MAZ: variants seen among roughly 807,000 people sequenced by gnomAD.
The protein encoded by MAZ is myc-associated zinc finger protein.
A neutral mutation model predicts 32.7 loss-of-function variants in MAZ; 4 were observed. The observed-to-expected ratio is 0.12, with a 90% CI of 0.06 to 0.28. The LOEUF (loss-of-function observed/expected upper bound fraction) is 0.28, where lower values mean the gene tolerates loss of function less well. Ranked by LOEUF, MAZ falls within the 10% of genes least tolerant of loss-of-function variation. MAZ has a pLI of 1.00. For missense variants in MAZ, 763 were observed against 667.2 expected, an observed-to-expected ratio of 1.14 and a Z score of -1.58; for synonymous variants, 510 against 297.6, an observed-to-expected ratio of 1.71 and a Z score of -7.35.
At position 29,807,425 on chromosome 16, in the gene MAZ, G is replaced by C; in HGVS notation, c.640G>C (p.Gly214Arg). 1 of 1,612,444 alleles carries C rather than the reference G, an allele frequency of 6.2e-7. No individual in the cohort carries two copies. Among genetic ancestry groups the C allele is most frequent in the Non-Finnish European group, 8.5e-7 (1 of 1,179,742 alleles). The part of the protein sequence containing the change: ...NLRRHEAIHT[G>R]AKAGRVPSGA... ...CCGGAGGCACGAAGCCATCCACACG[G>C]GAGCCAAGGCCGGCCGGGTCCCCTC... The change falls in exon 2 of 5, where the codon GGA becomes CGA. Residue 214 changes from glycine to arginine, a missense_variant. Gly to Arg is a moderately radical substitution (Grantham distance 125). Coordinates refer to ENST00000322945, the MANE Select transcript of MAZ (RefSeq NM_002383.4).
Position 29,808,635 on chromosome 16 carries a change from A to G in MAZ, c.1173A>G (p.Lys391=). The G allele has an allele frequency of 6.2e-7, 1 of 1,613,806 alleles. No individual in the cohort carries two copies. The highest frequency in any genetic ancestry group is 8.5e-7 in the Non-Finnish European group (1 of 1,179,978). Residue 391 remains lysine, a synonymous_variant, in exon 4 of 5, where the codon AAA becomes AAG. Transcript: ENST00000322945. ...CGCACACAGTACGACACGAGGAGAA[A>G]GTGCCATGTCACGTGTGTGGCAAGA... is the stretch of plus-strand genomic sequence containing the variant. ...LRAHTVRHEE[K]VPCHVCGKML...
Position 29,810,111 on chromosome 16 carries a change from G to GGCAGCGGCGGCAGCGGCA in MAZ, c.1323_1340dup (p.Ala443_Ala448dup), listed in dbSNP as rs1555501540. ...AGGTTTGTCCAATGGCGGCGGCAGC[G>GGCAGCGGCGGCAGCGGCA]GCAGCGGCGGCAGCGGCAGCAGCGG... On this transcript the variant is annotated inframe_insertion, in exon 5 of 5. Coordinates refer to ENST00000322945, the MANE Select transcript of MAZ (RefSeq NM_002383.4). The GGCAGCGGCGGCAGCGGCA allele has an allele frequency of 2.5e-5, 38 of 1,539,496 alleles. No homozygotes were observed. The highest frequency in any genetic ancestry group is 4.4e-6 in the Non-Finnish European group (5 of 1,137,572).
At chr16:29,808,393 T>G in intron 3 of MAZ, 100 bp downstream of exon 3, 1 of 1,236,032 alleles carries the variant, frequency 8.1e-7, no homozygotes, top group Non-Finnish European at 1.2e-6. Flanking sequence ...CTCTCTTCTT[T>G]TTGCCTTTTT....
At chr16:29,808,051 AGGC>A (rs761537307) in intron 2 of MAZ, 176 bp from the exon 3 acceptor site, 123 of 1,013,664 alleles carry the variant, frequency 1.2e-4, no homozygotes, top group Non-Finnish European at 1.5e-4. Flanking sequence ...GCGTGGGAGG[AGGC>A]GGCGGCGGCG....
Position 29,810,204 on chromosome 16 carries a change from T to C in MAZ, c.1407T>C (p.Ser469=), listed in dbSNP as rs1392105660. The C allele has an allele frequency of 1.9e-6, 3 of 1,600,394 alleles. No individual in the cohort carries two copies. Among genetic ancestry groups the C allele is most frequent in the Non-Finnish European group, 2.6e-6 (3 of 1,173,566 alleles). The part of the protein sequence containing the change: ...LSGAEGVPVS[S]QPLPSQPW ...GGGCGGAGGGGGTGCCTGTGAGCTC[T>C]CAGCCACTTCCCTCCCAACCCTGGT... Residue 469 remains serine, a synonymous_variant, in exon 5 of 5, where the codon TCT becomes TCC. Coordinates refer to ENST00000322945, the MANE Select transcript of MAZ (RefSeq NM_002383.4).
intron 2 of MAZ, 22 bp downstream of exon 2, chr16:29,807,850 C>T: frequency 6.3e-7 from 1 of 1,594,220 alleles, no homozygotes. Context: ...GCCTCGGCCG[C>T]CCGCTAGGCC....
Position 29,810,375 on chromosome 16 carries a change from A to G in MAZ, c.*144A>G. On this transcript the variant is annotated 3_prime_UTR_variant, in exon 5 of 5. Transcript: ENST00000322945. Reference sequence around the variant, plus strand: ...GGAAAGGAGGAAGAAATGTTTTCTTAGGGGAATTCGCTAGGTTTTAACGAT... The same window carrying G: ...GGAAAGGAGGAAGAAATGTTTTCTTGGGGGAATTCGCTAGGTTTTAACGAT... The G allele has an allele frequency of 1.1e-6, 1 of 897,576 alleles. No individual in the cohort carries two copies. Among genetic ancestry groups the G allele is most frequent in the South Asian group, 1.4e-5 (1 of 71,370 alleles). 55.6% of individuals were successfully genotyped at this position (897,576 alleles called of 1,614,324 possible). A position where few individuals can be genotyped will look rare whatever the true frequency, so the allele number is the denominator to read the frequency against.
rs200279675 is a variant in MAZ at position 29,807,313 on chromosome 16, C to G, written c.528C>G (p.Val176=). ...CCTCGACGGTCGCCGTGGCCCCGGTCGCGTCTGCCTTGGAGAAGAAGACAA... is the reference window on the plus strand; with the variant it reads ...CCTCGACGGTCGCCGTGGCCCCGGTGGCGTCTGCCTTGGAGAAGAAGACAA... ...APTSTVAVAP[V]ASALEKKTKS... is the part of the protein sequence containing the mutation. The change falls in exon 2 of 5, where the codon GTC becomes GTG. Residue 176 remains valine, a synonymous_variant. Coordinates refer to ENST00000322945, the MANE Select transcript of MAZ (RefSeq NM_002383.4). 1 of 1,594,656 alleles carries G rather than the reference C, an allele frequency of 6.3e-7. No homozygotes were observed. The highest frequency in any genetic ancestry group is 1.4e-5 in the African/African-American group (1 of 73,918).
In MAZ at chr16:29,807,450, C is replaced by T. The variant is rs1442608295; in HGVS notation, c.665C>T (p.Ser222Leu). 5.0e-6 allele frequency: 8 copies of T among 1,612,432 alleles called. No homozygotes were observed. The highest frequency in any genetic ancestry group is 2.2e-5 in the East Asian group (1 of 44,852). The change falls in exon 2 of 5, where the codon TCG becomes TTG. Residue 222 changes from serine (S) to leucine (L), a missense_variant. By Grantham distance (145) the Ser-to-Leu change is moderately radical. Transcript: ENST00000322945. ...GGAGCCAAGGCCGGCCGGGTCCCCT[C>T]GGGTGCTATGAAGATGCCGACCATG... Reference protein sequence around the residue: ...HTGAKAGRVPSGAMKMPTMVP... With the variant: ...HTGAKAGRVPLGAMKMPTMVP...
intron 1 of MAZ, 42 bp from the exon 2 acceptor site, chr16:29,806,936 C>T: frequency 8.6e-7 from 1 of 1,169,348 alleles, no homozygotes; most frequent in South Asian, 2.3e-5. Flanking sequence ...GGGGGGGACG[C>T]CCGCCCGCAC....
rs1173546880 is a variant in MAZ at position 29,810,579 on chromosome 16, C to G, written c.*348C>G. 1.4e-6 allele frequency: 1 copy of G among 694,802 alleles called. No homozygotes were observed. The highest frequency in any genetic ancestry group is 2.6e-6 in the Non-Finnish European group (1 of 380,220). 43.0% of individuals were successfully genotyped at this position (694,802 alleles called of 1,614,324 possible). A position where few individuals can be genotyped will look rare whatever the true frequency, so the allele number is the denominator to read the frequency against. On this transcript the variant is annotated 3_prime_UTR_variant, in exon 5 of 5. Transcript: ENST00000322945. Reference sequence around the variant, plus strand: ...CTTCCCAGGGACTTGTGAGCCTCTTCCCTCGACGGTCCTCTTCTCTCCTTC... The same window carrying G: ...CTTCCCAGGGACTTGTGAGCCTCTTGCCTCGACGGTCCTCTTCTCTCCTTC...
At position 29,806,645 on chromosome 16, in the gene MAZ, C is replaced by T. The variant is rs2142390580; in HGVS notation, c.-57C>T. 2.0e-6 allele frequency: 2 copies of T among 976,932 alleles called. No individual in the cohort carries two copies. Among genetic ancestry groups the T allele is most frequent in the South Asian group, 9.2e-5 (2 of 21,854 alleles). The allele number at this position is 976,932 out of a possible 1,614,324, so 60.5% of individuals were successfully genotyped here. A position where few individuals can be genotyped will look rare whatever the true frequency, so the allele number is the denominator to read the frequency against. On this transcript the variant is annotated 5_prime_UTR_variant, in exon 1 of 5. Coordinates refer to ENST00000322945, the MANE Select transcript of MAZ (RefSeq NM_002383.4). ...GGCGGCGCCCCGAGCCCGGGCCCCG[C>T]GCGGCCCGCGCCCCCGGCCCCCGCT...
In MAZ at chr16:29,806,783, A is replaced by G; in HGVS notation, c.82A>G (p.Met28Val). The change falls in exon 1 of 5, where the codon ATG becomes GTG. Residue 28 changes from methionine (M) to valine (V), a missense_variant. By Grantham distance (21) the Met-to-Val change is conservative. Transcript: ENST00000322945. Reference protein sequence around the residue: ...GLDSRGVGGLMNSFPPPQGHA... With the variant: ...GLDSRGVGGLVNSFPPPQGHA... Reference sequence around the variant, plus strand: ...GGACTCCCGGGGGGTGGGCGGCCTCATGAACTCCTTCCCGCCACCTCAGGG... The same window carrying G: ...GGACTCCCGGGGGGTGGGCGGCCTCGTGAACTCCTTCCCGCCACCTCAGGG... 4 of 1,433,388 alleles carry G rather than the reference A, an allele frequency of 2.8e-6. No homozygotes were observed. Among genetic ancestry groups the G allele is most frequent in the Non-Finnish European group, 3.7e-6 (4 of 1,086,368 alleles). The allele number at this position is 1,433,388 out of a possible 1,614,324, so 88.8% of individuals were successfully genotyped here. A position where few individuals can be genotyped will look rare whatever the true frequency, so the allele number is the denominator to read the frequency against.
At position 29,810,655 on chromosome 16, in the gene MAZ, T is replaced by G. The variant is rs561443477; in HGVS notation, c.*424T>G. ...GCCCCTCCCCGGGGAGTTGGTGCTT[T>G]CTTTTCCTTTTTTTTTTTTTTCCAG... On this transcript the variant is annotated 3_prime_UTR_variant, in exon 5 of 5. Coordinates refer to ENST00000322945, the MANE Select transcript of MAZ (RefSeq NM_002383.4). 99 of 565,328 alleles carry G rather than the reference T, an allele frequency of 1.8e-4. No individual in the cohort carries two copies. The highest frequency in any genetic ancestry group is 2.5e-4 in the Admixed American group (8 of 32,230). The allele number at this position is 565,328 out of a possible 1,614,324, so 35.0% of individuals were successfully genotyped here.
At chr16:29,809,505 T>G in intron 4 of MAZ, 5 of 1,367,236 alleles carry the variant, frequency 3.7e-6, no homozygotes, top group Non-Finnish European at 5.2e-6. Context: ...TCCGCCTGGC[T>G]GACCCCCGCC....
intron 4 of MAZ, 98 bp from the exon 5 acceptor site, chr16:29,809,979 G>T: frequency 6.5e-7 from 1 of 1,528,134 alleles, no homozygotes; most frequent in Non-Finnish European, 8.8e-7. Context: ...GTGAGCAACG[G>T]CTGTGTCCCA....
chr16:29,808,912 C>G lies in MAZ; in HGVS notation c.1279+171C>G, dbSNP rs963183754. The G allele has an allele frequency of 5.3e-5, 33 of 619,506 alleles. No individual in the cohort carries two copies. The South Asian group carries it at 6.6e-4, about 12-fold the overall frequency. 38.4% of individuals were successfully genotyped at this position (619,506 alleles called of 1,614,324 possible). On this transcript the variant is annotated intron_variant, in intron 4 of 4. Coordinates refer to ENST00000322945, the MANE Select transcript of MAZ (RefSeq NM_002383.4). Reference sequence around the variant, plus strand: ...ACACCTGAATGAACATCATTAGACTCTAAGAAGTCCTGGTTGGAAGAGATG... The same window carrying G: ...ACACCTGAATGAACATCATTAGACTGTAAGAAGTCCTGGTTGGAAGAGATG...
At position 29,806,769 on chromosome 16, in the gene MAZ, G is replaced by C. The variant is rs1899487389; in HGVS notation, c.68G>C (p.Gly23Ala). 2.1e-6 allele frequency: 3 copies of C among 1,435,760 alleles called. No individual in the cohort carries two copies. The highest frequency in any genetic ancestry group is 2.8e-6 in the Non-Finnish European group (3 of 1,086,714). 88.9% of individuals were successfully genotyped at this position (1,435,760 alleles called of 1,614,324 possible). ...CCCGTGCTGGGCCTGGACTCCCGGG[G>C]GGTGGGCGGCCTCATGAACTCCTTC... is the stretch of plus-strand genomic sequence containing the variant. ...PFPVLGLDSR[G>A]VGGLMNSFPP... is the part of the protein sequence containing the mutation. Residue 23 changes from glycine (G) to alanine (A), a missense_variant, in exon 1 of 5, where the codon GGG becomes GCG. By Grantham distance (60) the Gly-to-Ala change is moderately conservative. Coordinates refer to ENST00000322945, the MANE Select transcript of MAZ (RefSeq NM_002383.4).
rs372943465 is a variant in MAZ at position 29,807,439 on chromosome 16, C to T, written c.654C>T (p.Gly218=). The T allele has an allele frequency of 6.9e-5, 111 of 1,612,370 alleles. No individual in the cohort carries two copies. Among genetic ancestry groups the T allele is most frequent in the Non-Finnish European group, 9.1e-5 (107 of 1,179,758 alleles). Residue 218 remains glycine, a synonymous_variant, in exon 2 of 5, where the codon GGC becomes GGT. Transcript: ENST00000322945. The stretch of plus-strand genomic sequence containing the variant: ...CCATCCACACGGGAGCCAAGGCCGG[C>T]CGGGTCCCCTCGGGTGCTATGAAGA... ...HEAIHTGAKA[G]RVPSGAMKMP...
Sources: gnomAD v4.1 joint callset for allele counts on GRCh38, gnomAD v4.1.1 for gene constraint, MANE v1.5 for transcripts, NCBI Gene and HGNC (gene_info 2026-07-23, HGNC 2026-07-21) for gene names.